DCLK1: variants seen among roughly 807,000 people sequenced by gnomAD.
The protein encoded by DCLK1 is serine/threonine-protein kinase DCLK1.
In DCLK1, 16 loss-of-function variants were observed where a neutral mutation model predicts 86.2. The ratio of observed to expected loss-of-function variants is 0.19; its 90% CI spans 0.13 to 0.28. DCLK1 has a LOEUF of 0.28. DCLK1 is among the 10% of genes least tolerant of loss of function. DCLK1 has a pLI of 1.00. For missense variants in DCLK1, 590 were observed against 940.2 expected (o/e 0.63, Z 4.87); for synonymous variants, 369 against 370.5 (o/e 1.00, Z 0.05).
intron 6 of DCLK1, among the ~76,000 whole-genome samples, chr13:35,842,537 A>G (rs891977917): frequency 2.6e-5 from 4 of 152,174 alleles, no homozygotes; most frequent in African/African-American, 9.7e-5. Context: ...GGTGCTTGAA[A>G]GTGAATGCAA....
chr13:35,973,810 G>T (rs1008018176), intron 3 of DCLK1, among the ~76,000 whole-genome samples: 1 of 152,174 alleles, frequency 6.6e-6, no homozygotes, highest in Non-Finnish European at 1.5e-5. Flanking sequence ...CTGAAGATGT[G>T]AGGAAGAGGG....
At chr13:35,778,226 C>A (rs2086459626) in intron 16 of DCLK1, among the ~76,000 whole-genome samples, 1 of 152,204 alleles carries the variant, frequency 6.6e-6, no homozygotes. Flanking sequence ...TCTACAAGGT[C>A]CAATTTATTT....
At chr13:35,935,819 ATTAT>A (rs1366571599) in intron 4 of DCLK1, among the ~76,000 whole-genome samples, 1 of 152,156 alleles carries the variant, frequency 6.6e-6, no homozygotes, top group Non-Finnish European at 1.5e-5. Context: ...CCTTGAACAA[ATTAT>A]TTATCATCTC....
chr13:35,842,167 T>C (rs1869849425), intron 6 of DCLK1, among the ~76,000 whole-genome samples: 1 of 129,020 alleles, frequency 7.8e-6, no homozygotes, highest in South Asian at 2.6e-4. Flanking sequence ...AGGCGGAGCT[T>C]GCAGTGAGCC....
chr13:35,820,327 T>G (rs989880980), intron 11 of DCLK1, among the ~76,000 whole-genome samples: 1 of 152,210 alleles, frequency 6.6e-6, no homozygotes, highest in African/African-American at 2.4e-5. Flanking sequence ...AACCACATTA[T>G]AAATGACTGC....
At chr13:35,845,624 A>AGGT (rs1870121845) in intron 6 of DCLK1, among the ~76,000 whole-genome samples, 2 of 152,220 alleles carry the variant, frequency 1.3e-5, no homozygotes, top group Non-Finnish European at 2.9e-5. Context: ...CCTTTAAGGC[A>AGGT]ACCCTGAAAG....
At chr13:36,124,011 T>C (rs1886080172) in intron 2 of DCLK1, among the ~76,000 whole-genome samples, 1 of 152,188 alleles carries the variant, frequency 6.6e-6, no homozygotes, top group Non-Finnish European at 1.5e-5. Flanking sequence ...GGTGGGAAAC[T>C]GATTGAAGTA....
chr13:35,938,522 G>A (rs575793818), intron 4 of DCLK1, among the ~76,000 whole-genome samples: 10 of 152,008 alleles, frequency 6.6e-5, no homozygotes, highest in Non-Finnish European at 1.3e-4. Flanking sequence ...CCAGCTACTC[G>A]GGAGGCTGAG....
rs539809546 is a variant in DCLK1, at chr13:35,943,475, C to T, written c.823+3883G>A. 2.1e-4 allele frequency among the ~76,000 whole-genome samples: 32 copies of T among 152,182 alleles called. No individual in the cohort carries two copies. The East Asian group carries it at 3.3e-3, about 16-fold the overall frequency. ...GCAAAACAATAGACATTGAAGGTAA[C>T]GCCTATTAACATCAGAATCAAGAGC... On this transcript the variant is annotated intron_variant, in intron 4 of 16. Coordinates refer to ENST00000360631, the MANE Select transcript of DCLK1 (RefSeq NM_001330071.2).
intron 4 of DCLK1, among the ~76,000 whole-genome samples, chr13:35,882,520 C>T (rs965354805): frequency 6.6e-6 from 1 of 152,194 alleles, no homozygotes; most frequent in Admixed American, 6.5e-5. Flanking sequence ...GCTTAGAACC[C>T]TTCTAGGACT....
intron 4 of DCLK1, among the ~76,000 whole-genome samples, chr13:35,878,350 A>G (rs375659122): frequency 6.6e-6 from 1 of 152,000 alleles, no homozygotes; most frequent in South Asian, 2.1e-4. Context: ...GGTTTCTTCT[A>G]CTCCACCCGT....
At chr13:35,905,080 T>C (rs1874604913) in intron 4 of DCLK1, among the ~76,000 whole-genome samples, 1 of 152,200 alleles carries the variant, frequency 6.6e-6, no homozygotes, top group Non-Finnish European at 1.5e-5. Flanking sequence ...TACTAATGCC[T>C]GGCACAGAGT....
intron 15 of DCLK1, among the ~76,000 whole-genome samples, chr13:35,797,394 T>A (rs2086834088): frequency 6.6e-6 from 1 of 152,116 alleles, no homozygotes; most frequent in Non-Finnish European, 1.5e-5. Context: ...TGGATTTCCT[T>A]ATCATTTCCC....
intron 3 of DCLK1, among the ~76,000 whole-genome samples, chr13:36,085,704 T>C (rs552400728): frequency 6.6e-6 from 1 of 152,216 alleles, no homozygotes; most frequent in East Asian, 1.9e-4. Flanking sequence ...ATAGTTGGGG[T>C]AGACCGAGAG....
chr13:36,055,338 A>G, intron 3 of DCLK1, among the ~76,000 whole-genome samples: 1 of 152,122 alleles, frequency 6.6e-6, no homozygotes, highest in East Asian at 1.9e-4. Flanking sequence ...GACTTTTATT[A>G]ATCTATAAAC....
At chr13:35,854,714 C>T (rs1566569610) in intron 5 of DCLK1, 121 bp from the exon 6 acceptor site, 3 of 731,714 alleles carry the variant, frequency 4.1e-6, no homozygotes, top group Non-Finnish European at 6.0e-6. Flanking sequence ...CTCTAGACAC[C>T]CTTCCATATG....
At chr13:36,095,479 T>G (rs964011141) in intron 3 of DCLK1, among the ~76,000 whole-genome samples, 4 of 151,962 alleles carry the variant, frequency 2.6e-5, no homozygotes, top group Non-Finnish European at 4.4e-5. Flanking sequence ...ATGCTGGGAG[T>G]CCAGGTGTGA....
chr13:35,989,516 C>A (rs1880115013), intron 3 of DCLK1, among the ~76,000 whole-genome samples: 1 of 152,112 alleles, frequency 6.6e-6, no homozygotes, highest in African/African-American at 2.4e-5. Flanking sequence ...AGGTGATCCA[C>A]CCGCCTCGGC....
chr13:35,810,741 G>T (rs2087124702), intron 12 of DCLK1, 94 bp downstream of exon 12: 2 of 1,421,318 alleles, frequency 1.4e-6, no homozygotes, highest in East Asian at 2.5e-5. Flanking sequence ...AGCTAATTAT[G>T]TCTGGATAGG....
Sources: allele counts gnomAD v4.1 joint callset (sites outside exome capture counted in the v4.1 genomes callset), GRCh38; gene constraint gnomAD v4.1.1; transcripts MANE v1.5; gene names NCBI Gene and HGNC (gene_info 2026-07-23, HGNC 2026-07-21).